Variants in BANK1 observed in about 807,000 individuals in gnomAD.
BANK1 encodes B-cell scaffold protein with ankyrin repeats.
In BANK1, 95 loss-of-function variants were observed where a neutral mutation model predicts 94.5. The ratio of observed to expected loss-of-function variants is 1.00; its 90% CI spans 0.85 to 1.19. The LOEUF (loss-of-function observed/expected upper bound fraction) is 1.19, where lower values mean the gene tolerates loss of function less well. Among genes scored for constraint, BANK1 ranks in the 50% most tolerant of loss-of-function variants. The pLI is 0.00. For missense variants in BANK1, 987 were observed against 932.2 expected (o/e 1.06, Z -0.77); for synonymous variants, 334 against 308.4 (o/e 1.08, Z -0.87).
chr4:101,846,454 C>G (rs1028371433), intron 2 of BANK1, among the ~76,000 whole-genome samples: 3 of 152,108 alleles, frequency 2.0e-5, no homozygotes, highest in African/African-American at 7.2e-5. Flanking sequence ...GTGTATTAGT[C>G]TGTTTTCACA....
intron 7 of BANK1, among the ~76,000 whole-genome samples, chr4:101,989,795 CT>C (rs745744666): frequency 1.2e-4 from 18 of 152,192 alleles, no homozygotes; most frequent in South Asian, 8.3e-4. Flanking sequence ...GATGTCATGC[CT>C]TTCTAAGTGC....
intron 1 of BANK1, among the ~76,000 whole-genome samples, chr4:101,818,914 G>A (rs13108165): frequency 0.069 from 10,084 of 147,122 alleles, 578 homozygotes; most frequent in Admixed American, 0.19. Context: ...AATGGGATTC[G>A]ACAGTTTCAG....
At chr4:101,929,345 CT>C (rs1452957968) in intron 7 of BANK1, among the ~76,000 whole-genome samples, 1 of 151,412 alleles carries the variant, frequency 6.6e-6, no homozygotes, top group Non-Finnish European at 1.5e-5. Flanking sequence ...TATGAAAGGC[CT>C]TTAGGATTTG....
chr4:101,949,950 A>G (rs1475609136), intron 7 of BANK1, among the ~76,000 whole-genome samples: 1 of 152,124 alleles, frequency 6.6e-6, no homozygotes, highest in East Asian at 1.9e-4. Context: ...CATTGTCTCA[A>G]GAGCATCTTA....
intron 1 of BANK1, among the ~76,000 whole-genome samples, chr4:101,812,611 T>C (rs973619195): frequency 6.6e-6 from 1 of 151,964 alleles, no homozygotes; most frequent in Non-Finnish European, 1.5e-5. Flanking sequence ...ATTCTATGCA[T>C]TTTAATAGGA....
At chr4:102,044,859 G>A (rs369731988) in intron 11 of BANK1, among the ~76,000 whole-genome samples, 10 of 116,786 alleles carry the variant, frequency 8.6e-5, no homozygotes, top group Non-Finnish European at 1.2e-4. Context: ...CATGTCCTTC[G>A]CCCACTTTTT....
intron 1 of BANK1, among the ~76,000 whole-genome samples, chr4:101,798,572 C>T (rs1232922073): frequency 6.6e-6 from 1 of 152,140 alleles, no homozygotes; most frequent in Non-Finnish European, 1.5e-5. Context: ...TTTACAGTCC[C>T]ACCAACAGTG....
chr4:101,966,637 G>C (rs552690893), intron 7 of BANK1, among the ~76,000 whole-genome samples: 1 of 151,954 alleles, frequency 6.6e-6, no homozygotes, highest in African/African-American at 2.4e-5. Context: ...TTAAATTATC[G>C]TTGACTATTG....
intron 1 of BANK1, among the ~76,000 whole-genome samples, chr4:101,802,107 G>T (rs971675126): frequency 1.3e-5 from 2 of 152,140 alleles, no homozygotes; most frequent in Non-Finnish European, 2.9e-5. Flanking sequence ...ATAGGCCCGG[G>T]GATAGAGCCC....
chr4:101,827,146 A>G (rs1282823840), intron 1 of BANK1, among the ~76,000 whole-genome samples: 1 of 151,910 alleles, frequency 6.6e-6, no homozygotes, highest in Non-Finnish European at 1.5e-5. Context: ...AGAGTGAAGA[A>G]AAAGAAAGCC....
At chr4:101,985,480 A>T (rs1725451027) in intron 7 of BANK1, among the ~76,000 whole-genome samples, 1 of 152,088 alleles carries the variant, frequency 6.6e-6, no homozygotes, top group Admixed American at 6.6e-5. Flanking sequence ...TAGTTTTCAA[A>T]ATTTATTACT....
At chr4:101,970,462 A>G (rs568004800) in intron 7 of BANK1, among the ~76,000 whole-genome samples, 3 of 152,230 alleles carry the variant, frequency 2.0e-5, no homozygotes, top group South Asian at 2.1e-4. Context: ...TCTTTCATCA[A>G]TTTCTTTCAT....
At chr4:101,897,263 C>T (rs1722116650) in intron 6 of BANK1, among the ~76,000 whole-genome samples, 1 of 151,962 alleles carries the variant, frequency 6.6e-6, no homozygotes, top group Non-Finnish European at 1.5e-5. Flanking sequence ...GGAATTATGA[C>T]ACAATTTTAC....
chr4:101,949,706 C>T (rs1019411258), intron 7 of BANK1, among the ~76,000 whole-genome samples: 4 of 152,058 alleles, frequency 2.6e-5, no homozygotes, highest in African/African-American at 9.7e-5. Context: ...TTCTTATCTA[C>T]ATGAAAAAGT....
At chr4:102,042,598 C>A (rs1264171690) in intron 10 of BANK1, among the ~76,000 whole-genome samples, 1 of 151,924 alleles carries the variant, frequency 6.6e-6, no homozygotes, top group Non-Finnish European at 1.5e-5. Context: ...ACAGATATGT[C>A]CTTGATCTTA....
intron 7 of BANK1, among the ~76,000 whole-genome samples, chr4:101,955,720 A>G (rs1457975349): frequency 1.3e-5 from 2 of 152,136 alleles, no homozygotes; most frequent in Non-Finnish European, 2.9e-5. Context: ...AAATTCTCCA[A>G]AAGTCCCATG....
Position 102,073,697 on chromosome 4 carries a change from C to T in BANK1, c.2312C>T (p.Pro771Leu). 1 of 1,610,852 alleles carries T rather than the reference C, an allele frequency of 6.2e-7. No homozygotes were observed. The highest frequency in any genetic ancestry group is 8.5e-7 in the Non-Finnish European group (1 of 1,178,356). The change falls in exon 16 of 17, where the codon CCC becomes CTC. Residue 771 changes from proline to leucine, a missense_variant. Pro to Leu is a moderately conservative substitution (Grantham distance 98). Transcript: ENST00000322953. ...ATTTTTTTTCAGCTTCCTGCTCGAC[C>T]CCAAGTTGAAAAGGAATTTGGTTTC... ...VHFSNKLPAR[P>L]QVEKEFGFCC...
intron 6 of BANK1, among the ~76,000 whole-genome samples, chr4:101,904,985 C>G (rs952015225): frequency 2.6e-5 from 4 of 152,126 alleles, no homozygotes; most frequent in African/African-American, 9.7e-5. Flanking sequence ...TTTGATTTAC[C>G]CAATAAGCTG....
At chr4:102,013,088 T>C (rs1353117037) in intron 7 of BANK1, among the ~76,000 whole-genome samples, 1 of 152,118 alleles carries the variant, frequency 6.6e-6, no homozygotes, top group African/African-American at 2.4e-5. Flanking sequence ...TAAAACTGAT[T>C]TCAAGATTTT....
Sources: allele counts gnomAD v4.1 joint callset (sites outside exome capture counted in the v4.1 genomes callset), GRCh38; gene constraint gnomAD v4.1.1; transcripts MANE v1.5; gene names NCBI Gene and HGNC (gene_info 2026-07-23, HGNC 2026-07-21).